Variants in ANKRD24 observed in about 807,000 individuals in gnomAD.
ANKRD24 encodes ankyrin repeat domain 24, also known as ankyrin repeat domain-containing protein 24.
Under a neutral mutation model 127.8 loss-of-function variants are expected in ANKRD24, and 109 were observed. That is an observed-to-expected ratio of 0.85 (90% CI 0.73 to 1.00). The LOEUF (loss-of-function observed/expected upper bound fraction) is 1.00, where lower values mean the gene tolerates loss of function less well. ANKRD24 is among the 50% of genes least tolerant of loss of function. The pLI is 0.00. For missense variants in ANKRD24, 1,648 were observed against 1,570.2 expected (o/e 1.05, Z -0.84); for synonymous variants, 743 against 671.1 (o/e 1.11, Z -1.66).
intron 7 of ANKRD24, among the ~76,000 whole-genome samples, chr19:4,206,737 C>T (rs945990161): frequency 1.3e-5 from 2 of 152,162 alleles, no homozygotes; most frequent in African/African-American, 4.8e-5. Flanking sequence ...CTGGTTGGGC[C>T]TCAGTTGCTG....
chr19:4,223,401 AT>A (rs1173862080), intron 20 of ANKRD24, among the ~76,000 whole-genome samples: 333 of 53,142 alleles, frequency 6.3e-3, no homozygotes, highest in Admixed American at 0.011. Context: ...ATATATATAT[AT>A]TTTTTTTTTT....
rs1321630510 is a variant in ANKRD24 at position 4,199,067 on chromosome 19, A to G, written c.37-616A>G. Among the ~76,000 whole-genome samples the G allele has an allele frequency of 6.6e-6, 1 of 152,064 alleles. No homozygotes were observed. The highest frequency in any genetic ancestry group is 6.6e-5 in the Admixed American group (1 of 15,250). ...AGAAGCCTCGGGATGTTTAGGGGAC[A>G]GTGGTGGCATTTCAGGGCAGTTGTG... On this transcript the variant is annotated intron_variant, in intron 2 of 21. Coordinates refer to ENST00000318934, the MANE Select transcript of ANKRD24 (RefSeq NM_001393985.1). The surrounding 1 kb of genome is among the most constrained non-coding windows in gnomAD (Gnocchi z 5.2).
intron 1 of ANKRD24, among the ~76,000 whole-genome samples, chr19:4,185,628 G>A (rs112952272): frequency 2.0e-5 from 3 of 152,330 alleles, no homozygotes; most frequent in East Asian, 1.9e-4. Context: ...GTGTGCACAC[G>A]CCCCACACTC....
At chr19:4,209,796 C>T (rs1400981177) in intron 11 of ANKRD24, among the ~76,000 whole-genome samples, 2 of 152,170 alleles carry the variant, frequency 1.3e-5, no homozygotes, top group Admixed American at 6.5e-5. Context: ...GGAGTGAAAA[C>T]GTGTGGGCAA....
chr19:4,216,920 C>T lies in ANKRD24; in HGVS notation c.1760C>T (p.Thr587Met), dbSNP rs769269041. 3.6e-5 allele frequency: 58 copies of T among 1,609,772 alleles called. No individual in the cohort carries two copies. The highest frequency in any genetic ancestry group is 1.8e-4 in the East Asian group (8 of 44,814). The change falls in exon 18 of 22, where the codon ACG (threonine) becomes ATG (methionine). Residue 587 changes from threonine to methionine, a missense_variant. Thr to Met is a moderately conservative substitution (Grantham distance 81). Transcript: ENST00000318934. ...GCTGAGGCCACGGGAGCCGAGGCCACGGGAGCTGAGGCCACAGGAGCCAAG... is the reference window on the plus strand; with the variant it reads ...GCTGAGGCCACGGGAGCCGAGGCCATGGGAGCTGAGGCCACAGGAGCCAAG... ...MEAEATGAEATGAEATGAKVT... is the reference protein window; with the variant it reads ...MEAEATGAEAMGAEATGAKVT...
intron 2 of ANKRD24, among the ~76,000 whole-genome samples, chr19:4,191,806 G>C (rs352505): frequency 0.66 from 98,615 of 150,024 alleles, 32,913 homozygotes; most frequent in Middle Eastern, 0.76. Flanking sequence ...TTTTGAGACA[G>C]AGTCTTGCTC....
intron 11 of ANKRD24, 52 bp from the exon 12 acceptor site, chr19:4,210,000 GGAGGCT>G: frequency 4.8e-6 from 5 of 1,050,552 alleles, no homozygotes; most frequent in Non-Finnish European, 7.1e-6. Context: ...TTACTGTGGG[GGAGGCT>G]GGCATGGCCC....
At chr19:4,223,396 TA>T (rs1444042373) in intron 20 of ANKRD24, among the ~76,000 whole-genome samples, 3,917 of 60,094 alleles carry the variant, frequency 0.065, 104 homozygotes, top group Non-Finnish European at 0.092. Flanking sequence ...TATATATATA[TA>T]TATATTTTTT....
rs1309601202 is a variant in ANKRD24 at position 4,207,770 on chromosome 19, TC to T, written c.645-7del. On this transcript the variant is annotated splice_polypyrimidine_tract_variant and intron_variant, in intron 9 of 21. Coordinates refer to ENST00000318934, the MANE Select transcript of ANKRD24 (RefSeq NM_001393985.1). ...TGTTCTCATCTCCTCAGTAGCCCCC[TC>T]CCCTGGTAGGACGGCCCTGATGCTG... The T allele has an allele frequency of 4.5e-6, 7 of 1,566,466 alleles. No homozygotes were observed. The highest frequency in any genetic ancestry group is 1.9e-5 in the Admixed American group (1 of 51,418).
At chr19:4,200,282 G>A in intron 5 of ANKRD24, 111 bp downstream of exon 5, 1 of 1,208,736 alleles carries the variant, frequency 8.3e-7, no homozygotes, top group Non-Finnish European at 1.1e-6. Flanking sequence ...TGAAAAAAGG[G>A]GAGGCTCCCT....
intron 2 of ANKRD24, among the ~76,000 whole-genome samples, chr19:4,196,398 T>C (rs866553577): frequency 6.6e-6 from 1 of 152,092 alleles, no homozygotes; most frequent in Non-Finnish European, 1.5e-5. Flanking sequence ...TGTTTTGCAG[T>C]GGAGTCTCGC....
rs200312560 is a variant in ANKRD24, at chr19:4,217,058, C to T, written c.1898C>T (p.Thr633Met). The change falls in exon 18 of 22, where the codon ACG becomes ATG. Residue 633 changes from threonine (T) to methionine (M), a missense_variant. Thr to Met is a moderately conservative substitution (Grantham distance 81). Transcript: ENST00000318934. ...TGAQATDTET[T>M]GVEAMGVEAT... The stretch of plus-strand genomic sequence containing the variant: ...GCTCAGGCCACAGACACAGAGACCA[C>T]GGGAGTGGAGGCCATGGGGGTGGAG... The T allele has an allele frequency of 6.6e-5, 106 of 1,613,698 alleles. No homozygotes were observed. The highest frequency in any genetic ancestry group is 8.8e-5 in the South Asian group (8 of 91,076).
chr19:4,190,628 G>A (rs1415392032), intron 2 of ANKRD24, among the ~76,000 whole-genome samples: 1 of 152,024 alleles, frequency 6.6e-6, no homozygotes, highest in Non-Finnish European at 1.5e-5. Flanking sequence ...AGCTACTCAG[G>A]AGGCTGAGGA....
intron 11 of ANKRD24, chr19:4,209,094 T>G (rs1334558625): frequency 3.3e-6 from 1 of 306,322 alleles, no homozygotes; most frequent in Non-Finnish European, 6.0e-6. Flanking sequence ...TCTGGCCTCT[T>G]CCCCTCTTTC....
At chr19:4,212,860 C>G (rs757719516) in intron 15 of ANKRD24, among the ~76,000 whole-genome samples, 162 bp downstream of exon 15, 2 of 152,164 alleles carry the variant, frequency 1.3e-5, no homozygotes, top group Non-Finnish European at 2.9e-5. Flanking sequence ...TGGCTGGGTG[C>G]GAGGGCTTAC....
chr19:4,182,889 G>A (rs939920967), intron 1 of ANKRD24, 149 bp downstream of exon 1: 1 of 405,290 alleles, frequency 2.5e-6, no homozygotes, highest in Non-Finnish European at 3.3e-6. Context: ...AGTAAATTCC[G>A]TAAGGACAGA....
intron 2 of ANKRD24, among the ~76,000 whole-genome samples, chr19:4,192,007 T>C (rs904600994): frequency 2.0e-5 from 3 of 151,796 alleles, no homozygotes; most frequent in Admixed American, 2.0e-4. Context: ...CAGGCTGGTC[T>C]CAAACTACTG....
chr19:4,217,324 C>T lies in ANKRD24; in HGVS notation c.2164C>T (p.Gln722Ter), dbSNP rs1970159578. 6.4e-7 allele frequency: 1 copy of T among 1,551,962 alleles called. No homozygotes were observed. The highest frequency in any genetic ancestry group is 2.4e-5 in the East Asian group (1 of 40,936). ...TGCCGCAGAGGCCTCGGAAAAGCTT[C>T]AAGTAGAGCTGGAGACCAGGATCCG... Reference protein sequence around the residue: ...PGAAEASEKLQVELETRIRGL... With the variant: ...PGAAEASEKL Residue 722 changes from glutamine (Q) to a stop codon, truncating the protein, a stop_gained, in exon 18 of 22, where the codon CAA becomes TAA. Transcript: ENST00000318934. LOFTEE classifies it high-confidence loss of function.
chr19:4,188,486 C>T (rs867040131), intron 2 of ANKRD24, among the ~76,000 whole-genome samples: 2 of 148,214 alleles, frequency 1.3e-5, no homozygotes, highest in South Asian at 4.3e-4. Context: ...TGGGCTCAAA[C>T]GATCCTCCTG....
Sources: allele counts gnomAD v4.1 joint callset (sites outside exome capture counted in the v4.1 genomes callset), GRCh38; gene constraint gnomAD v4.1.1; non-coding constraint Gnocchi (gnomAD v3.1); transcripts MANE v1.5; gene names NCBI Gene and HGNC (gene_info 2026-07-23, HGNC 2026-07-21).